Variants in TEAD1 observed in about 807,000 individuals in gnomAD.
TEAD1 encodes transcriptional enhancer factor TEF-1.
Under a neutral mutation model 54.9 loss-of-function variants are expected in TEAD1, and 9 were observed. That is an observed-to-expected ratio of 0.16 (90% CI 0.10 to 0.29). TEAD1 has a LOEUF of 0.29. Among genes scored for constraint, TEAD1 ranks in the 10% least tolerant of loss-of-function variants. The pLI is 1.00. For missense variants in TEAD1, 387 were observed against 535.9 expected, an observed-to-expected ratio of 0.72 and a Z score of 2.74; for synonymous variants, 200 against 187.8, an observed-to-expected ratio of 1.07 and a Z score of -0.53.
intron 3 of TEAD1, among the ~76,000 whole-genome samples, chr11:12,794,319 C>T (rs1210214047): frequency 6.6e-6 from 1 of 152,184 alleles, no homozygotes; most frequent in Non-Finnish European, 1.5e-5. Context: ...GCGTGATAGT[C>T]TCTTTGAGAT....
At chr11:12,813,867 C>T (rs1036289928) in intron 3 of TEAD1, among the ~76,000 whole-genome samples, 8 of 152,190 alleles carry the variant, frequency 5.3e-5, no homozygotes, top group Non-Finnish European at 1.0e-4. Flanking sequence ...TCCTCCTACA[C>T]CTTGAGTCAC....
intron 3 of TEAD1, among the ~76,000 whole-genome samples, chr11:12,807,557 A>T (rs916105707): frequency 2.6e-5 from 4 of 152,210 alleles, no homozygotes; most frequent in Non-Finnish European, 5.9e-5. Flanking sequence ...AAAGGTAGGT[A>T]TGAGGATTGA....
chr11:12,861,779 G>T (rs1947509075), intron 3 of TEAD1, among the ~76,000 whole-genome samples: 1 of 152,190 alleles, frequency 6.6e-6, no homozygotes, highest in South Asian at 2.1e-4. Context: ...CTGAGGTCGG[G>T]GGTTCGAGAC....
intron 2 of TEAD1, among the ~76,000 whole-genome samples, chr11:12,705,705 G>T (rs1170222163): frequency 6.6e-6 from 1 of 152,112 alleles, no homozygotes; most frequent in Non-Finnish European, 1.5e-5. Flanking sequence ...TATTGTAGAT[G>T]GCCTTTTAGT....
At chr11:12,692,504 C>A (rs1468911192) in intron 2 of TEAD1, among the ~76,000 whole-genome samples, 2 of 152,076 alleles carry the variant, frequency 1.3e-5, no homozygotes, top group South Asian at 2.1e-4. Context: ...TCACCCACCA[C>A]CCCGGCTTTT....
intron 3 of TEAD1, among the ~76,000 whole-genome samples, chr11:12,857,620 A>T (rs1404474148): frequency 1.2e-5 from 1 of 85,416 alleles, no homozygotes; most frequent in East Asian, 3.3e-4. Context: ...GTGTTAGAAG[A>T]TCATGGCTGC....
rs528925431 is a variant in TEAD1 at position 12,899,179 on chromosome 11, T to C, written c.700-2761T>C. Reference sequence around the variant, plus strand: ...TCATGCCTTCCATAAACTCACTCCTTGCAGAAGGCGCTAGAATGGACAGAA... The same window carrying C: ...TCATGCCTTCCATAAACTCACTCCTCGCAGAAGGCGCTAGAATGGACAGAA... On this transcript the variant is annotated intron_variant, in intron 9 of 12. Coordinates refer to ENST00000527636, the MANE Select transcript of TEAD1 (RefSeq NM_021961.6). Among the ~76,000 whole-genome samples, 299 of 152,290 alleles carry C rather than the reference T, an allele frequency of 2.0e-3. 2 individuals are homozygous for C. Among genetic ancestry groups the C allele is most frequent in the African/African-American group, 7.1e-3 (294 of 41,554 alleles).
At chr11:12,854,575 G>A (rs1210073302) in intron 3 of TEAD1, among the ~76,000 whole-genome samples, 1 of 151,990 alleles carries the variant, frequency 6.6e-6, no homozygotes, top group African/African-American at 2.4e-5. Flanking sequence ...CACCTCCAAG[G>A]CAGAGATGGC....
chr11:12,864,642 G>GTTTTT, intron 4 of TEAD1, 196 bp from the exon 5 acceptor site: 1 of 1,326,018 alleles, frequency 7.5e-7, no homozygotes, highest in Middle Eastern at 2.4e-4. Context: ...GTTTTGTTTT[G>GTTTTT]TTTTGTTTTG....
At chr11:12,788,658 A>G (rs1465313774) in intron 3 of TEAD1, among the ~76,000 whole-genome samples, 1 of 152,224 alleles carries the variant, frequency 6.6e-6, no homozygotes, top group Non-Finnish European at 1.5e-5. Context: ...CGTGGTCCAT[A>G]TTTAAGAACA....
At position 12,789,602 on chromosome 11, in the gene TEAD1, G is replaced by C. The variant is rs560213866; in HGVS notation, c.202+25168G>C. 2.9e-4 allele frequency among the ~76,000 whole-genome samples: 44 copies of C among 152,366 alleles called. No homozygotes were observed. The South Asian group carries it at 9.1e-3, about 32-fold the overall frequency. On this transcript the variant is annotated intron_variant, in intron 3 of 12. Coordinates refer to ENST00000527636, the MANE Select transcript of TEAD1 (RefSeq NM_021961.6). ...CGGTGGGAACCCAGAGTCCTGGTGA[G>C]TGTGCCTTTACACCCGACATCTCCC... is the stretch of plus-strand genomic sequence containing the variant.
intron 3 of TEAD1, among the ~76,000 whole-genome samples, chr11:12,819,747 G>A (rs1307074646): frequency 6.6e-6 from 1 of 152,162 alleles, no homozygotes; most frequent in Non-Finnish European, 1.5e-5. Context: ...CACCAAGCCC[G>A]GCCGGTAACA....
At position 12,937,238 on chromosome 11, in the gene TEAD1, T is replaced by C. The variant is rs1949118068; in HGVS notation, c.*16T>C. The C allele has an allele frequency of 6.5e-7, 1 of 1,545,648 alleles. No homozygotes were observed. Among genetic ancestry groups the C allele is most frequent in the African/African-American group, 1.4e-5 (1 of 72,922 alleles). On this transcript the variant is annotated 3_prime_UTR_variant, in exon 13 of 13. Transcript: ENST00000527636. ...AAAGGACTGAACATGGTTATTTATATATATAGATATCTGTATATACACACA... is the reference window on the plus strand; with the variant it reads ...AAAGGACTGAACATGGTTATTTATACATATAGATATCTGTATATACACACA...
intron 2 of TEAD1, among the ~76,000 whole-genome samples, chr11:12,747,051 G>A (rs889496790): frequency 6.6e-6 from 1 of 152,224 alleles, no homozygotes. Context: ...TTTGAGGCCA[G>A]TGAGTCTCTT....
At chr11:12,877,581 C>T (rs542968962) in intron 5 of TEAD1, among the ~76,000 whole-genome samples, 1 of 152,158 alleles carries the variant, frequency 6.6e-6, no homozygotes, top group South Asian at 2.1e-4. Context: ...ATCACTTGAA[C>T]CTGGGAAGCG....
intron 2 of TEAD1, among the ~76,000 whole-genome samples, chr11:12,732,238 C>G (rs1944438923): frequency 1.3e-5 from 2 of 152,162 alleles, no homozygotes; most frequent in South Asian, 2.1e-4. Flanking sequence ...CAGTCACAGG[C>G]AAATTCCAGT....
At chr11:12,808,697 G>C (rs1227852787) in intron 3 of TEAD1, among the ~76,000 whole-genome samples, 1 of 152,138 alleles carries the variant, frequency 6.6e-6, no homozygotes, top group Non-Finnish European at 1.5e-5. Context: ...AGCAACCACT[G>C]TGATTCACAG....
At chr11:12,847,488 G>A (rs1305498957) in intron 3 of TEAD1, among the ~76,000 whole-genome samples, 1 of 150,680 alleles carries the variant, frequency 6.6e-6, no homozygotes, top group Non-Finnish European at 1.5e-5. Context: ...CAGTAGATTT[G>A]GTGGGGTGGG....
At chr11:12,839,546 C>G (rs1397918143) in intron 3 of TEAD1, among the ~76,000 whole-genome samples, 2 of 152,220 alleles carry the variant, frequency 1.3e-5, no homozygotes, top group African/African-American at 4.8e-5. Flanking sequence ...AGGTGCTAGG[C>G]TGTGTCCTGG....
Sources: allele counts gnomAD v4.1 joint callset (sites outside exome capture counted in the v4.1 genomes callset), GRCh38; gene constraint gnomAD v4.1.1; transcripts MANE v1.5; gene names NCBI Gene and HGNC (gene_info 2026-07-23, HGNC 2026-07-21).